Variants in HERC2 observed in about 807,000 individuals in gnomAD.
The protein encoded by HERC2 is E3 ubiquitin-protein ligase HERC2.
A neutral mutation model predicts 537.7 loss-of-function variants in HERC2; 102 were observed. The ratio of observed to expected loss-of-function variants is 0.19; its 90% CI spans 0.16 to 0.22. The LOEUF (loss-of-function observed/expected upper bound fraction) is 0.22. HERC2 is among the 10% of genes least tolerant of loss of function. The probability of loss-of-function intolerance (pLI) is 1.00; values close to 1 mark genes in which losing one functional copy is unlikely to be tolerated. For synonymous variants in HERC2, 2,224 were observed against 2,466.2 expected (o/e 0.90, Z 2.91); for missense variants, 4,236 against 6,198.2 (o/e 0.68, Z 10.63).
chr15:28,274,550 C>T, intron 6 of HERC2, 103 bp from the exon 7 acceptor site: 3 of 1,345,434 alleles, frequency 2.2e-6, no homozygotes, highest in African/African-American at 1.5e-5. Flanking sequence ...CCTTTCCAAT[C>T]CCTCACTCAA....
At chr15:28,255,795 G>A (rs2075239645) in intron 19 of HERC2, 77 bp downstream of exon 19, 1 of 1,455,048 alleles carries the variant, frequency 6.9e-7, no homozygotes, top group Non-Finnish European at 9.3e-7. Flanking sequence ...ACTGTTTTCA[G>A]TTATTCTTCA....
At chr15:28,314,738 G>C (rs769868857) in intron 2 of HERC2, among the ~76,000 whole-genome samples, 1 of 151,944 alleles carries the variant, frequency 6.6e-6, no homozygotes, top group African/African-American at 2.4e-5. Flanking sequence ...GTACACGCCT[G>C]TAATCCCAGC....
intron 15 of HERC2, among the ~76,000 whole-genome samples, chr15:28,262,489 G>T (rs528554281): frequency 1.3e-5 from 2 of 152,316 alleles, no homozygotes; most frequent in Non-Finnish European, 2.9e-5. Flanking sequence ...CACCAAGGAT[G>T]AGTTCACATG....
At chr15:28,315,840 G>A in intron 2 of HERC2, 3 of 644,592 alleles carry the variant, frequency 4.7e-6, no homozygotes, top group South Asian at 4.5e-5. Flanking sequence ...GGGGATGCTG[G>A]TACAAGTTGT....
chr15:28,243,554 G>C (rs1490872211), intron 23 of HERC2, among the ~76,000 whole-genome samples: 1 of 152,118 alleles, frequency 6.6e-6, no homozygotes. Context: ...CAACCAGATA[G>C]AAAAATGCGC....
chr15:28,172,254 C>T (rs1462582649), intron 65 of HERC2, among the ~76,000 whole-genome samples: 6 of 152,032 alleles, frequency 3.9e-5, no homozygotes, highest in Non-Finnish European at 7.4e-5. Flanking sequence ...CCCAAGCAAA[C>T]GATTTTATAA....
At chr15:28,262,523 C>T (rs2075441904) in intron 15 of HERC2, among the ~76,000 whole-genome samples, 1 of 152,186 alleles carries the variant, frequency 6.6e-6, no homozygotes, top group Non-Finnish European at 1.5e-5. Flanking sequence ...TGGACCCAAT[C>T]CCACCTCCCA....
chr15:28,160,545 T>C (rs1375336133), intron 69 of HERC2, among the ~76,000 whole-genome samples: 1 of 152,214 alleles, frequency 6.6e-6, no homozygotes, highest in African/African-American at 2.4e-5. Flanking sequence ...GCGCGAGATA[T>C]AATCTCCTGG....
At chr15:28,143,668 G>A (rs1399822445) in intron 74 of HERC2, among the ~76,000 whole-genome samples, 4 of 151,926 alleles carry the variant, frequency 2.6e-5, no homozygotes, top group South Asian at 2.1e-4. Context: ...GGATGGTCTC[G>A]ATCTCCTGAC....
At chr15:28,266,740 T>A (rs901288514) in intron 12 of HERC2, among the ~76,000 whole-genome samples, 13 of 152,088 alleles carry the variant, frequency 8.5e-5, no homozygotes, top group Admixed American at 7.9e-4. Context: ...AGAGGGCAGA[T>A]CAGAGGTTGT....
intron 4 of HERC2, among the ~76,000 whole-genome samples, chr15:28,284,597 A>G (rs993992783): frequency 6.6e-6 from 1 of 152,134 alleles, no homozygotes; most frequent in Admixed American, 6.5e-5. Context: ...GGCTACATTT[A>G]TATCAAATAA....
intron 14 of HERC2, among the ~76,000 whole-genome samples, chr15:28,263,796 C>A (rs1335491646): frequency 2.6e-5 from 4 of 151,886 alleles, no homozygotes; most frequent in African/African-American, 9.7e-5. Flanking sequence ...CTTTGGGAGG[C>A]CAAGGCGGGC....
chr15:28,310,207 A>C (rs2076903141), intron 2 of HERC2, among the ~76,000 whole-genome samples: 1 of 152,232 alleles, frequency 6.6e-6, no homozygotes, highest in Non-Finnish European at 1.5e-5. Context: ...AGCACTTGGG[A>C]GGCCAAGGCA....
At chr15:28,174,244 G>A (rs1895010412) in intron 65 of HERC2, 151 bp downstream of exon 65, 4 of 629,514 alleles carry the variant, frequency 6.4e-6, no homozygotes, top group Non-Finnish European at 1.1e-5. Context: ...TAAATCGCAT[G>A]AGAGCACACC....
At chr15:28,220,211 G>A (rs1391889727) in intron 37 of HERC2, among the ~76,000 whole-genome samples, 1 of 152,214 alleles carries the variant, frequency 6.6e-6, no homozygotes, top group Non-Finnish European at 1.5e-5. Context: ...AGGGGCGGGT[G>A]CACACATGAG....
chr15:28,238,814 C>T lies in HERC2; in HGVS notation c.3578-42G>A, dbSNP rs1208963674. On this transcript the variant is annotated intron_variant, in intron 23 of 92. Transcript: ENST00000261609. The stretch of plus-strand genomic sequence containing the variant: ...CAGAATCAGTCCATTGATCAATCAA[C>T]AGGTAAAATGAAAAGAACAAACTGT... 2.1e-6 allele frequency: 3 copies of T among 1,416,402 alleles called. No homozygotes were observed. In the African/African-American group the frequency reaches 4.2e-5, roughly 20 times the overall value. The allele number at this position is 1,416,402 out of a possible 1,614,324, so 87.7% of individuals were successfully genotyped here.
intron 67 of HERC2, among the ~76,000 whole-genome samples, 191 bp from the exon 68 acceptor site, chr15:28,168,018 T>C (rs1894323106): frequency 6.6e-6 from 1 of 152,210 alleles, no homozygotes; most frequent in Admixed American, 6.5e-5. Context: ...AGGACAGTTT[T>C]GCAAAGTCAA....
In HERC2 at chr15:28,113,278, A is replaced by G. The variant is rs1887850018; in HGVS notation, c.14025T>C (p.Cys4675=). Residue 4675 remains cysteine (C), a synonymous_variant, in exon 92 of 93, where the codon TGT becomes TGC. Coordinates refer to ENST00000261609, the MANE Select transcript of HERC2 (RefSeq NM_004667.6). This position sits in a 1 kb window ranked among gnomAD's most constrained non-coding sequence, Gnocchi z 7.0. ...FTGYELETMV[C]GSPDIPLHLL... ...GGTGCAGCGGGATGTCAGGGCTGCC[A>G]CACACCTGCGGGAGGATGTCTGTCA... is the stretch of plus-strand genomic sequence containing the variant. 3.7e-6 allele frequency: 6 copies of G among 1,613,840 alleles called. No homozygotes were observed. The highest frequency in any genetic ancestry group is 5.1e-6 in the Non-Finnish European group (6 of 1,179,972).
chr15:28,140,313 C>A (rs1272061672), intron 78 of HERC2, among the ~76,000 whole-genome samples: 1 of 152,068 alleles, frequency 6.6e-6, no homozygotes, highest in African/African-American at 2.4e-5. Context: ...CAACCCCAGC[C>A]TGCACCATGA....
Sources: gnomAD v4.1 joint callset for allele counts (sites outside exome capture counted in the v4.1 genomes callset) on GRCh38, gnomAD v4.1.1 for gene constraint, Gnocchi (gnomAD v3.1) non-coding constraint, MANE v1.5 for transcripts, NCBI Gene and HGNC (gene_info 2026-07-23, HGNC 2026-07-21) for gene names.